The following ATP7B variants were observed in gnomAD, a reference collection of about 807,000 sequenced individuals.
ATP7B encodes the protein ATPase copper transporting beta.
In ATP7B, 113 loss-of-function variants were observed where a neutral mutation model predicts 118.9. That is an observed-to-expected ratio of 0.95 (90% CI 0.82 to 1.11). The LOEUF is 1.11. Among genes scored for constraint, ATP7B ranks in the 50% most tolerant of loss-of-function variants. The pLI is 0.00. For synonymous variants in ATP7B, 777 were observed against 727.4 expected, an observed-to-expected ratio of 1.07 and a Z score of -1.10; for missense variants, 1,867 against 1,871.4, an observed-to-expected ratio of 1.00 and a Z score of 0.04.
chr13:52,010,606 T>C (rs61958786), intron 1 of ATP7B, among the ~76,000 whole-genome samples: 6,435 of 152,298 alleles, frequency 0.042, 162 homozygotes, highest in South Asian at 0.091. Context: ...AGTGATCTCA[T>C]TTAGGTAAAA....
chr13:51,970,242 G>A (rs1284721139), intron 3 of ATP7B, among the ~76,000 whole-genome samples: 1 of 152,078 alleles, frequency 6.6e-6, no homozygotes, highest in Non-Finnish European at 1.5e-5. Flanking sequence ...TCCACAAAAG[G>A]TACTATGACC....
chr13:51,957,437 A>G, intron 9 of ATP7B, 79 bp downstream of exon 9: 1 of 1,406,140 alleles, frequency 7.1e-7, no homozygotes, highest in Non-Finnish European at 1.0e-6. Flanking sequence ...TTGCAATGTC[A>G]ATACAACATG....
chr13:51,995,331 C>T, intron 1 of ATP7B: 1 of 985,398 alleles, frequency 1.0e-6, no homozygotes, highest in Non-Finnish European at 1.2e-6. Context: ...GAACTCATTT[C>T]CCAGGTTCCA....
In ATP7B at chr13:51,935,669, G is replaced by A; in HGVS notation, c.4048C>T (p.Leu1350=). The A allele has an allele frequency of 6.2e-7, 1 of 1,613,414 alleles. No individual in the cohort carries two copies. The highest frequency in any genetic ancestry group is 8.5e-7 in the Non-Finnish European group (1 of 1,179,816). The part of the protein sequence containing the change: ...AGVFMPIGIV[L]QPWMGSAAMA... ...GCCGCTGAGCCCATCCAGGGCTGCA[G>A]CACAATGCCGATGGGCATGAAGACA... Residue 1350 remains leucine (L), a synonymous_variant, in exon 20 of 21, where the codon CTG becomes TTG. Transcript: ENST00000242839.
At chr13:51,967,980 C>G (rs2139870099) in intron 4 of ATP7B, among the ~76,000 whole-genome samples, 1 of 152,312 alleles carries the variant, frequency 6.6e-6, no homozygotes, top group East Asian at 1.9e-4. Context: ...CACTTTGGCC[C>G]TCTAGACACC....
intron 1 of ATP7B, among the ~76,000 whole-genome samples, chr13:52,001,285 A>G (rs137923043): frequency 2.0e-5 from 3 of 152,322 alleles, no homozygotes; most frequent in East Asian, 1.9e-4. Flanking sequence ...CAGAATACCT[A>G]TAAGAGGAAG....
chr13:51,993,614 G>T (rs1282539076), intron 1 of ATP7B, among the ~76,000 whole-genome samples: 6 of 152,180 alleles, frequency 3.9e-5, no homozygotes, highest in Admixed American at 2.0e-4. Context: ...AGTTGCAACT[G>T]TGCTCAGATA....
Position 51,958,454 on chromosome 13 carries a change from T to C in ATP7B, c.2212A>G (p.Ser738Gly). ...NMDVLIVLAT[S>G]IAYVYSLVIL... Reference sequence around the variant, plus strand: ...ACCAGAGAATAAACATAAGCAATGCTTGTGGCCAGGACGATGAGCACGTCC... The same window carrying C: ...ACCAGAGAATAAACATAAGCAATGCCTGTGGCCAGGACGATGAGCACGTCC... The change falls in exon 8 of 21, where the codon AGC becomes GGC. Residue 738 changes from serine to glycine, a missense_variant. Coordinates refer to ENST00000242839, the MANE Select transcript of ATP7B (RefSeq NM_000053.4). 6.2e-7 allele frequency: 1 copy of C among 1,614,200 alleles called. No individual in the cohort carries two copies. Among genetic ancestry groups the C allele is most frequent in the South Asian group, 1.1e-5 (1 of 91,090 alleles).
Position 51,942,398 on chromosome 13 carries a change from G to A in ATP7B, c.3400C>T (p.Pro1134Ser). 5 of 1,614,142 alleles carry A rather than the reference G, an allele frequency of 3.1e-6. No homozygotes were observed. Among genetic ancestry groups the A allele is most frequent in the Non-Finnish European group, 4.2e-6 (5 of 1,180,034 alleles). Residue 1134 changes from proline to serine, a missense_variant, in exon 15 of 21, where the codon CCC (proline) becomes TCC (serine). Pro to Ser is a moderately conservative substitution (Grantham distance 74). Transcript: ENST00000242839. ...ASHLNEAGSL[P>S]AEKDAVPQTF... ...AAGCCAGCAATACCTTTTTCTGCGG[G>A]AAGGCTGCCAGCCTCATTCAGGTGA...
At chr13:51,981,035 C>G (rs927918243) in intron 1 of ATP7B, among the ~76,000 whole-genome samples, 22 of 152,094 alleles carry the variant, frequency 1.4e-4, no homozygotes, top group African/African-American at 5.3e-4. Flanking sequence ...CATTTTATAT[C>G]CCTCATGCTT....
intron 2 of ATP7B, among the ~76,000 whole-genome samples, chr13:51,972,838 A>AAAAAAT (rs1442759127): frequency 6.6e-6 from 1 of 152,010 alleles, no homozygotes; most frequent in African/African-American, 2.4e-5. Flanking sequence ...CGTCTCTACA[A>AAAAAAT]AAAAATAAAA....
chr13:51,976,371 C>T (rs1381194284), intron 1 of ATP7B, among the ~76,000 whole-genome samples: 1 of 152,154 alleles, frequency 6.6e-6, no homozygotes, highest in Non-Finnish European at 1.5e-5. Flanking sequence ...TTGTAAAATG[C>T]AGACTATATA....
chr13:51,975,183 A>C lies in ATP7B; in HGVS notation c.52-15T>G. On this transcript the variant is annotated splice_polypyrimidine_tract_variant and intron_variant, in intron 1 of 20. Coordinates refer to ENST00000242839, the MANE Select transcript of ATP7B (RefSeq NM_000053.4). ...TTAGATAAGATCTAAAAAGAAAAGAAATAACATTTTTTAACCTTGAAACCA... is the reference window on the plus strand; with the variant it reads ...TTAGATAAGATCTAAAAAGAAAAGACATAACATTTTTTAACCTTGAAACCA... 6.2e-7 allele frequency: 1 copy of C among 1,613,968 alleles called. No homozygotes were observed. The highest frequency in any genetic ancestry group is 8.5e-7 in the Non-Finnish European group (1 of 1,179,788).
chr13:51,939,303 A>C, intron 16 of ATP7B, 110 bp from the exon 17 acceptor site: 1 of 1,481,950 alleles, frequency 6.7e-7, no homozygotes, highest in Non-Finnish European at 9.2e-7. Context: ...AAAACAAAAC[A>C]TCAAATTATA....
At chr13:51,977,288 C>A (rs939358117) in intron 1 of ATP7B, among the ~76,000 whole-genome samples, 3 of 150,824 alleles carry the variant, frequency 2.0e-5, no homozygotes, top group Non-Finnish European at 4.4e-5. Context: ...AAAGCACAAA[C>A]ACACTGGACA....
At chr13:51,983,073 C>T (rs952971903) in intron 1 of ATP7B, among the ~76,000 whole-genome samples, 5 of 152,144 alleles carry the variant, frequency 3.3e-5, no homozygotes, top group Non-Finnish European at 5.9e-5. Context: ...GAACCGTTCA[C>T]TCGCCTGGAA....
At position 51,964,943 on chromosome 13, in the gene ATP7B, C is replaced by A; in HGVS notation, c.1798G>T (p.Ala600Ser). Residue 600 changes from alanine to serine, a missense_variant, in exon 5 of 21, where the codon GCC (alanine) becomes TCC (serine). By Grantham distance (99) the Ala-to-Ser change is moderately conservative. Transcript: ENST00000242839. Reference protein sequence around the residue: ...NGITYASVALATSKALVKFDP... With the variant: ...NGITYASVALSTSKALVKFDP... ...AACTTAACAAGGGCTTTGCTGGTGG[C>A]AAGGGCAACGGAGGCATAAGTGATG... 1 of 1,614,168 alleles carries A rather than the reference C, an allele frequency of 6.2e-7. No homozygotes were observed. The highest frequency in any genetic ancestry group is 1.1e-5 in the South Asian group (1 of 91,080).
At position 51,958,538 on chromosome 13, in the gene ATP7B, C is replaced by T. The variant is rs137853285; in HGVS notation, c.2128G>A (p.Gly710Ser). 2.8e-5 allele frequency: 45 copies of T among 1,613,924 alleles called. No homozygotes were observed. The highest frequency in any genetic ancestry group is 3.3e-4 in the Middle Eastern group (2 of 6,084). Reference sequence around the variant, plus strand: ...GCCTGAACGTAGAAGTACCACCCACCGAGGAGCTGAAAGACAAGGACAGTG... The same window carrying T: ...GCCTGAACGTAGAAGTACCACCCACTGAGGAGCTGAAAGACAAGGACAGTG... ...FILCTFVQLLGGWYFYVQAYK... is the reference protein window; with the variant it reads ...FILCTFVQLLSGWYFYVQAYK... Residue 710 changes from glycine to serine, a missense_variant, in exon 8 of 21, where the codon GGT becomes AGT. Physicochemically the swap from Gly to Ser is moderately conservative, Grantham distance 56 (BLOSUM62 0). Transcript: ENST00000242839.
intron 1 of ATP7B, among the ~76,000 whole-genome samples, chr13:52,005,093 C>G (rs1160091773): frequency 6.6e-6 from 1 of 152,180 alleles, no homozygotes; most frequent in African/African-American, 2.4e-5. Flanking sequence ...TGGTCCTCTC[C>G]CTCCTGCCCT....
Sources: gnomAD v4.1 joint callset for allele counts (sites outside exome capture counted in the v4.1 genomes callset) on GRCh38, gnomAD v4.1.1 for gene constraint, MANE v1.5 for transcripts, NCBI Gene and HGNC (gene_info 2026-07-23, HGNC 2026-07-21) for gene names.